Variants in PDE4D observed in about 807,000 individuals in gnomAD.
PDE4D encodes phosphodiesterase 4D.
In PDE4D, 24 loss-of-function variants were observed where a neutral mutation model predicts 87.4. The ratio of observed to expected loss-of-function variants is 0.27; its 90% confidence interval spans 0.20 to 0.39. PDE4D has a LOEUF of 0.39. PDE4D is among the 10% of genes least tolerant of loss of function. The pLI is 1.00. For synonymous variants in PDE4D, 384 were observed against 383.2 expected (o/e 1.00, Z -0.02); for missense variants, 714 against 1,041.0 (o/e 0.69, Z 4.32).
Position 59,944,807 on chromosome 5 carries a change from A to ATCTCCTTTTCTCT in PDE4D, c.272+43668_272+43680dup, listed in dbSNP as rs1188921819. Reference sequence around the variant, plus strand: ...GCCATCTTCCTTTCCCCTTTCTACTATCTCCTTTTCTCTTCTTCCTCTATA... The same window carrying ATCTCCTTTTCTCT: ...GCCATCTTCCTTTCCCCTTTCTACTATCTCCTTTTCTCTTCTCCTTTTCTCTTCTTCCTCTATA... On this transcript the variant is annotated intron_variant, in intron 3 of 16. Coordinates refer to the PDE4D transcript ENST00000502484. 7.9e-5 allele frequency among the ~76,000 whole-genome samples: 12 copies of ATCTCCTTTTCTCT among 151,432 alleles called. No individual in the cohort carries two copies. The South Asian group carries it at 8.4e-4, about 11-fold the overall frequency.
chr5:59,495,477 G>C (rs1006214337), intron 1 of PDE4D, among the ~76,000 whole-genome samples: 1 of 152,166 alleles, frequency 6.6e-6, no homozygotes, highest in African/African-American at 2.4e-5. Flanking sequence ...ATAGAGACAT[G>C]AAAGGGATCA....
At chr5:60,203,075 T>C (rs1742115284) in intron 1 of PDE4D, among the ~76,000 whole-genome samples, 1 of 152,168 alleles carries the variant, frequency 6.6e-6, no homozygotes, top group Admixed American at 6.5e-5. Context: ...CAGGTTCAAG[T>C]GATTCTTCTG....
rs1029347447 is a variant in PDE4D at position 59,861,827 on chromosome 5, G to A, written c.455+31341C>T. Among the ~76,000 whole-genome samples, 12 of 152,218 alleles carry A rather than the reference G, an allele frequency of 7.9e-5. No homozygotes were observed. In the East Asian group the frequency reaches 2.1e-3, roughly 27 times the overall value. ...TGTGGATATGGAGCCCCAAATCTGC[G>A]TTTATAAAAATTCTGTTAAAGCTTT... On this transcript the variant is annotated intron_variant, in intron 1 of 14. Transcript: ENST00000340635.
chr5:59,841,898 G>T (rs1422956373), intron 1 of PDE4D, among the ~76,000 whole-genome samples: 1 of 152,056 alleles, frequency 6.6e-6, no homozygotes, highest in Non-Finnish European at 1.5e-5. Flanking sequence ...CTCCGTGTGT[G>T]TGCAGGAAGG....
chr5:60,169,242 A>T (rs1175799512), intron 2 of PDE4D, among the ~76,000 whole-genome samples: 1 of 152,166 alleles, frequency 6.6e-6, no homozygotes, highest in East Asian at 1.9e-4. Flanking sequence ...GGGCAAAATT[A>T]TCCATAATCT....
intron 1 of PDE4D, among the ~76,000 whole-genome samples, chr5:59,386,322 A>C (rs975707539): frequency 6.6e-6 from 1 of 152,222 alleles, no homozygotes; most frequent in Admixed American, 6.5e-5. Flanking sequence ...TAAAAACAAG[A>C]AAAAGACTAG....
chr5:59,795,841 A>G (rs1052060675), intron 1 of PDE4D, among the ~76,000 whole-genome samples: 1 of 152,206 alleles, frequency 6.6e-6, no homozygotes, highest in Non-Finnish European at 1.5e-5. Context: ...TCGAGTTAAA[A>G]TAAGGTCATT....
chr5:59,915,271 A>G (rs2152773753), intron 3 of PDE4D, among the ~76,000 whole-genome samples: 1 of 152,298 alleles, frequency 6.6e-6, no homozygotes, highest in East Asian at 1.9e-4. Flanking sequence ...GAACAGTCTG[A>G]GGATTGAATT....
intron 2 of PDE4D, among the ~76,000 whole-genome samples, chr5:60,000,803 G>A (rs1406550635): frequency 6.6e-6 from 1 of 152,188 alleles, no homozygotes; most frequent in Admixed American, 6.5e-5. Context: ...ATATAAAGGA[G>A]TAGAGTTTTG....
At chr5:59,902,969 T>C (rs1048640093) in intron 3 of PDE4D, among the ~76,000 whole-genome samples, 5 of 152,180 alleles carry the variant, frequency 3.3e-5, no homozygotes, top group Non-Finnish European at 5.9e-5. Flanking sequence ...TAAAGTTTTA[T>C]AGTTAAATAA....
intron 1 of PDE4D, among the ~76,000 whole-genome samples, chr5:59,343,511 C>A (rs902320985): frequency 2.6e-5 from 4 of 152,116 alleles, no homozygotes; most frequent in African/African-American, 7.2e-5. Flanking sequence ...CTGGTTAAAA[C>A]AACATATATC....
intron 1 of PDE4D, among the ~76,000 whole-genome samples, chr5:59,843,165 G>C (rs1743279181): frequency 6.6e-6 from 1 of 151,916 alleles, no homozygotes; most frequent in South Asian, 2.1e-4. Context: ...TAAAAAATCA[G>C]TTCCTTCTGC....
chr5:60,204,660 C>T (rs1742299656), intron 1 of PDE4D, among the ~76,000 whole-genome samples: 2 of 148,482 alleles, frequency 1.3e-5, no homozygotes, highest in African/African-American at 4.9e-5. Context: ...AAATCCTTAT[C>T]TCTCTAGCTC....
intron 1 of PDE4D, among the ~76,000 whole-genome samples, chr5:59,303,535 A>T (rs916016942): frequency 4.6e-5 from 7 of 152,212 alleles, no homozygotes; most frequent in African/African-American, 1.7e-4. Context: ...CTTAGGTTTA[A>T]GCCCTTAATC....
chr5:59,098,055 T>C (rs968868387), intron 5 of PDE4D, among the ~76,000 whole-genome samples: 14 of 152,232 alleles, frequency 9.2e-5, no homozygotes, highest in Non-Finnish European at 1.8e-4. Flanking sequence ...CAACTTCCAA[T>C]ATTTTTTAAA....
intron 1 of PDE4D, among the ~76,000 whole-genome samples, chr5:60,318,358 T>C (rs1755846907): frequency 6.6e-6 from 1 of 152,224 alleles, no homozygotes; most frequent in Non-Finnish European, 1.5e-5. Flanking sequence ...TCCATCCCTT[T>C]ATTTTGAGCC....
At chr5:59,341,515 A>C (rs1025100086) in intron 1 of PDE4D, among the ~76,000 whole-genome samples, 2 of 152,228 alleles carry the variant, frequency 1.3e-5, no homozygotes, top group Non-Finnish European at 2.9e-5. Flanking sequence ...CTGTAAATAT[A>C]TGTTGAATAC....
intron 2 of PDE4D, among the ~76,000 whole-genome samples, chr5:60,126,600 A>G (rs145731356): frequency 1.8e-3 from 271 of 152,312 alleles, no homozygotes; most frequent in African/African-American, 6.1e-3. Flanking sequence ...AAAATGGCAC[A>G]CTTGTATTTT....
rs548831075 is a variant in PDE4D at position 59,706,145 on chromosome 5, C to T, written c.455+187023G>A. 1.2e-4 allele frequency among the ~76,000 whole-genome samples: 18 copies of T among 152,248 alleles called. No individual in the cohort carries two copies. The South Asian group carries it at 3.7e-3, about 32-fold the overall frequency. On this transcript the variant is annotated intron_variant, in intron 1 of 14. Transcript: ENST00000340635. ...CCTGATATCCCCAAAGACACTAGTG[C>T]CCTGGGGATTGGCCATGTGGGTTAC...
Sources: gnomAD v4.1 joint callset for allele counts (sites outside exome capture counted in the v4.1 genomes callset) on GRCh38, gnomAD v4.1.1 for gene constraint, MANE v1.5 for transcripts, NCBI Gene and HGNC (gene_info 2026-07-23, HGNC 2026-07-21) for gene names.